SMAP2: variants seen among roughly 807,000 people sequenced by gnomAD.
SMAP2 encodes small ArfGAP2.
In SMAP2, 25 loss-of-function variants were observed where a neutral mutation model predicts 56.4. The ratio of observed to expected loss-of-function variants is 0.44; its 90% CI spans 0.32 to 0.62. SMAP2 has a LOEUF of 0.62. Among genes scored for constraint, SMAP2 ranks in the 20% least tolerant of loss-of-function variants. SMAP2 has a pLI of 0.04. For synonymous variants in SMAP2, 157 were observed against 181.7 expected, an observed-to-expected ratio of 0.86 and a Z score of 1.09; for missense variants, 388 against 545.6, an observed-to-expected ratio of 0.71 and a Z score of 2.88.
intron 1 of SMAP2, among the ~76,000 whole-genome samples, chr1:40,352,231 AATG>A (rs1490908848): frequency 3.9e-5 from 6 of 152,214 alleles, no homozygotes; most frequent in Admixed American, 1.3e-4. Context: ...TCCAAGCTTT[AATG>A]ATATTAGGAA....
intron 1 of SMAP2, among the ~76,000 whole-genome samples, chr1:40,347,288 A>C (rs1644393186): frequency 7.0e-6 from 1 of 142,464 alleles, no homozygotes; most frequent in Admixed American, 7.1e-5. Flanking sequence ...ATGGAGTTTC[A>C]CCACGTTGGC....
At chr1:40,345,851 A>ATATAT (rs1334762892) in intron 1 of SMAP2, among the ~76,000 whole-genome samples, 53 of 123,812 alleles carry the variant, frequency 4.3e-4, no homozygotes, top group African/African-American at 8.8e-4. Context: ...CTTTTCTCTT[A>ATATAT]TATATTATAT....
At chr1:40,371,380 A>G (rs947047728), upstream of SMAP2, among the ~76,000 whole-genome samples, 1 of 152,188 alleles carries the variant, frequency 6.6e-6, no homozygotes, top group African/African-American at 2.4e-5. Context: ...ATTAGTAATG[A>G]TAATAAAAAG....
chr1:40,375,807 T>A lies in SMAP2; in HGVS notation c.103+1584T>A, dbSNP rs192846281. The A allele has an allele frequency of 2.3e-5, 22 of 971,698 alleles. No homozygotes were observed. The Admixed American group carries it at 1.3e-3, about 59-fold the overall frequency. 60.2% of individuals were successfully genotyped at this position (971,698 alleles called of 1,614,324 possible). On this transcript the variant is annotated intron_variant, in intron 1 of 9. Coordinates refer to ENST00000372718, the MANE Select transcript of SMAP2 (RefSeq NM_022733.3). ...GCATTGCTGCATTTGGAGAGTCAGA[T>A]GCCATTTTGGTGACTAGAACCCCCC...
chr1:40,364,325 C>A lies in SMAP2; in HGVS notation c.55+1889C>A, dbSNP rs1644470996. Among the ~76,000 whole-genome samples the A allele has an allele frequency of 2.0e-5, 3 of 152,164 alleles. No homozygotes were observed. In the South Asian group the frequency reaches 6.2e-4, roughly 32 times the overall value. On this transcript the variant is annotated intron_variant, in intron 2 of 6. Coordinates refer to the SMAP2 transcript ENST00000435168. The stretch of plus-strand genomic sequence containing the variant: ...AAAAAAGAGGGCAAGCAAGGTGGCT[C>A]ACACCTGTAATCCCAGCACTTTGAG...
chr1:40,417,162 C>A, intron 9 of SMAP2, 66 bp downstream of exon 9: 1 of 1,158,804 alleles, frequency 8.6e-7, no homozygotes, highest in Non-Finnish European at 1.2e-6. Context: ...TCGGTTTGTA[C>A]CTCTCCACTA....
At chr1:40,367,858 A>G (rs957075615) in intron 2 of SMAP2, among the ~76,000 whole-genome samples, 5 of 106,184 alleles carry the variant, frequency 4.7e-5, no homozygotes, top group Non-Finnish European at 9.3e-5. Flanking sequence ...AAATCAGAGC[A>G]GAACTGAAGA....
chr1:40,401,056 G>A (rs890616318), intron 1 of SMAP2, among the ~76,000 whole-genome samples: 12 of 152,078 alleles, frequency 7.9e-5, no homozygotes, highest in African/African-American at 2.2e-4. Flanking sequence ...TCAGGAGATC[G>A]AGACCATCCT....
intron 9 of SMAP2, among the ~76,000 whole-genome samples, chr1:40,421,337 C>T (rs1444768742): frequency 6.6e-6 from 1 of 152,058 alleles, no homozygotes; most frequent in East Asian, 1.9e-4. Context: ...TGCTAGGGGC[C>T]AGTCTTTCCA....
At chr1:40,413,960 T>C (rs1569917562) in intron 5 of SMAP2, 199 bp from the exon 6 acceptor site, 2 of 548,344 alleles carry the variant, frequency 3.6e-6, no homozygotes, top group South Asian at 2.1e-5. Context: ...ATCTTTGTTT[T>C]TCATTTTAGG....
intron 1 of SMAP2, among the ~76,000 whole-genome samples, chr1:40,395,598 T>C (rs1056237042): frequency 1.6e-4 from 6 of 37,450 alleles, no homozygotes; most frequent in African/African-American, 2.6e-4. Flanking sequence ...AGTAGTTTAA[T>C]GAATTTTTGA....
intron 1 of SMAP2, among the ~76,000 whole-genome samples, chr1:40,361,001 T>C (rs552645316): frequency 6.6e-6 from 1 of 152,210 alleles, no homozygotes; most frequent in African/African-American, 2.4e-5. Context: ...CATGACTTAA[T>C]AAGACACCAG....
chr1:40,395,008 A>G (rs1644756215), intron 1 of SMAP2, among the ~76,000 whole-genome samples: 1 of 152,180 alleles, frequency 6.6e-6, no homozygotes, highest in Non-Finnish European at 1.5e-5. Context: ...TTTAAGAGGA[A>G]GTGATGTCAC....
chr1:40,354,327 TTTTG>T (rs916083964), intron 1 of SMAP2, among the ~76,000 whole-genome samples: 5 of 151,930 alleles, frequency 3.3e-5, no homozygotes, highest in Admixed American at 6.6e-5. Context: ...GATTGTGAGT[TTTTG>T]TTTGTTTGTT....
At chr1:40,402,977 G>A (rs985396197) in intron 1 of SMAP2, among the ~76,000 whole-genome samples, 23 of 152,232 alleles carry the variant, frequency 1.5e-4, no homozygotes, top group Middle Eastern at 3.4e-3. Context: ...CCTGTGTAGT[G>A]GGGGCATATG....
chr1:40,374,210 T>C lies in SMAP2; in HGVS notation c.90T>C (p.Asp30=), dbSNP rs777629535. 6.2e-7 allele frequency: 1 copy of C among 1,612,384 alleles called. No homozygotes were observed. The highest frequency in any genetic ancestry group is 1.1e-5 in the South Asian group (1 of 90,656). The change falls in exon 1 of 10, where the codon GAT becomes GAC. Residue 30 remains aspartate (D), a synonymous_variant. Coordinates refer to ENST00000372718, the MANE Select transcript of SMAP2 (RefSeq NM_022733.3). This position sits in a 1 kb window ranked among gnomAD's most constrained non-coding sequence, Gnocchi z 5.9. The part of the protein sequence containing the change: ...LLEEDNKFCA[D]CQSKGPRWAS... ...AGGAGGATAACAAGTTTTGTGCAGATTGCCAGTCTAAAGGTAGCGCATCCC... is the reference window on the plus strand; with the variant it reads ...AGGAGGATAACAAGTTTTGTGCAGACTGCCAGTCTAAAGGTAGCGCATCCC...
intron 1 of SMAP2, among the ~76,000 whole-genome samples, chr1:40,348,797 G>A (rs1161761245): frequency 6.6e-6 from 1 of 151,998 alleles, no homozygotes; most frequent in African/African-American, 2.4e-5. Context: ...TTTTTGAGAT[G>A]GAGTCCTCTG....
intron 1 of SMAP2, among the ~76,000 whole-genome samples, chr1:40,387,034 G>A (rs948566989): frequency 1.1e-4 from 17 of 151,966 alleles, no homozygotes; most frequent in Admixed American, 9.8e-4. Context: ...TGTATTTTTA[G>A]TACAGACAGG....
chr1:40,377,889 A>G (rs182272784), intron 1 of SMAP2, among the ~76,000 whole-genome samples: 318 of 152,294 alleles, frequency 2.1e-3, no homozygotes, highest in African/African-American at 7.2e-3. Context: ...CTTCTGGGGT[A>G]CTAAAATCCA....
Sources: allele counts gnomAD v4.1 joint callset (sites outside exome capture counted in the v4.1 genomes callset), GRCh38; gene constraint gnomAD v4.1.1; non-coding constraint Gnocchi (gnomAD v3.1); transcripts MANE v1.5; gene names NCBI Gene and HGNC (gene_info 2026-07-23, HGNC 2026-07-21).